PTPRK: variants seen among roughly 807,000 people sequenced by gnomAD.
PTPRK encodes the protein protein tyrosine phosphatase receptor type K.
Under a neutral mutation model 178.0 loss-of-function variants are expected in PTPRK, and 75 were observed. The ratio of observed to expected loss-of-function variants is 0.42; its 90% CI spans 0.35 to 0.51. PTPRK has a LOEUF of 0.51. PTPRK is among the 20% of genes least tolerant of loss of function. The pLI is 0.02. For synonymous variants in PTPRK, 637 were observed against 620.6 expected, an observed-to-expected ratio of 1.03 and a Z score of -0.39; for missense variants, 1,441 against 1,797.8, an observed-to-expected ratio of 0.80 and a Z score of 3.59.
chr6:128,383,088 T>C (rs1285732333), intron 2 of PTPRK, among the ~76,000 whole-genome samples: 1 of 152,108 alleles, frequency 6.6e-6, no homozygotes, highest in Non-Finnish European at 1.5e-5. Context: ...ACAGAAGAAA[T>C]AGTCACCACT....
chr6:128,112,510 A>G (rs750188291), intron 7 of PTPRK, among the ~76,000 whole-genome samples: 14 of 152,100 alleles, frequency 9.2e-5, no homozygotes, highest in Non-Finnish European at 1.8e-4. Flanking sequence ...TTGCTCAGCA[A>G]AGGGAAAACA....
At chr6:128,056,297 C>G (rs1779880540) in intron 13 of PTPRK, among the ~76,000 whole-genome samples, 1 of 152,114 alleles carries the variant, frequency 6.6e-6, no homozygotes, top group Admixed American at 6.6e-5. Context: ...TCTATACTTA[C>G]TTAAACTTCT....
intron 2 of PTPRK, among the ~76,000 whole-genome samples, chr6:128,330,711 A>T (rs538495846): frequency 6.6e-6 from 1 of 152,248 alleles, no homozygotes; most frequent in Non-Finnish European, 1.5e-5. Flanking sequence ...CATACATTGC[A>T]TTGAGAATAA....
At chr6:128,165,295 A>C (rs1799240364) in intron 7 of PTPRK, among the ~76,000 whole-genome samples, 1 of 151,422 alleles carries the variant, frequency 6.6e-6, no homozygotes, top group Admixed American at 6.6e-5. Flanking sequence ...TATAAAGTAT[A>C]TTGTGTACAT....
Position 128,446,518 on chromosome 6 carries a change from ATTCT to A in PTPRK, c.101-48834_101-48831del, listed in dbSNP as rs368261231. Among the ~76,000 whole-genome samples the A allele has an allele frequency of 3.6e-3, 554 of 152,340 alleles. 4 individuals carry two copies. Among genetic ancestry groups the A allele is most frequent in the African/African-American group, 0.012 (512 of 41,574 alleles). On this transcript the variant is annotated intron_variant, in intron 1 of 29. Transcript: ENST00000368226. ...GGAAAGCATTCCTAATTTTTTAAAA[ATTCT>A]TTCTGCAAAATAAAAAGTCTGTGAC...
chr6:128,171,933 A>G (rs1800322235), intron 7 of PTPRK, among the ~76,000 whole-genome samples: 1 of 152,006 alleles, frequency 6.6e-6, no homozygotes, highest in Admixed American at 6.6e-5. Context: ...AGCCAATTTC[A>G]TAATTGAGGC....
intron 25 of PTPRK, among the ~76,000 whole-genome samples, chr6:127,978,984 T>C (rs1327243979): frequency 1.3e-5 from 2 of 152,204 alleles, no homozygotes; most frequent in African/African-American, 2.4e-5. Context: ...GCTTTAACTA[T>C]GAAATGTCTT....
chr6:128,233,798 C>T (rs1562838568), intron 5 of PTPRK, among the ~76,000 whole-genome samples: 1 of 152,186 alleles, frequency 6.6e-6, no homozygotes, highest in African/African-American at 2.4e-5. Context: ...ACACATTAAA[C>T]AGCCTCATTT....
At chr6:128,410,876 C>T (rs1842230082) in intron 1 of PTPRK, among the ~76,000 whole-genome samples, 1 of 152,142 alleles carries the variant, frequency 6.6e-6, no homozygotes, top group Admixed American at 6.5e-5. Context: ...AACTTCCTTA[C>T]CAGCCTTACG....
intron 6 of PTPRK, among the ~76,000 whole-genome samples, chr6:128,194,071 T>A (rs1267143003): frequency 1.5e-5 from 2 of 133,556 alleles, no homozygotes; most frequent in African/African-American, 6.1e-5. Flanking sequence ...TATATATTAT[T>A]ATTATTATTA....
chr6:127,977,347 A>G (rs1774722881), intron 25 of PTPRK, among the ~76,000 whole-genome samples: 1 of 152,248 alleles, frequency 6.6e-6, no homozygotes, highest in Non-Finnish European at 1.5e-5. Context: ...CAAATACAAA[A>G]GAAGAAACTA....
chr6:128,327,654 T>C (rs1829754001), intron 2 of PTPRK, among the ~76,000 whole-genome samples: 1 of 152,180 alleles, frequency 6.6e-6, no homozygotes, highest in Non-Finnish European at 1.5e-5. Context: ...CTCAGAAGGG[T>C]AATTTTGTTC....
In PTPRK at chr6:128,345,587, A is replaced by C. The variant is rs1041925474; in HGVS notation, c.224-23277T>G. Among the ~76,000 whole-genome samples the C allele has an allele frequency of 8.2e-4, 125 of 152,324 alleles. 3 individuals carry two copies. Among genetic ancestry groups the C allele is most frequent in the Non-Finnish European group, 2.4e-4 (16 of 68,018 alleles). On this transcript the variant is annotated intron_variant, in intron 2 of 29. Transcript: ENST00000368226. ...TTTGAGAAAAGCCCAACATCTGAGAAACAAATAATTAGGTTATGATGCGAA... is the reference window on the plus strand; with the variant it reads ...TTTGAGAAAAGCCCAACATCTGAGACACAAATAATTAGGTTATGATGCGAA...
At chr6:128,496,360 G>A (rs1024103457) in intron 1 of PTPRK, among the ~76,000 whole-genome samples, 1 of 152,126 alleles carries the variant, frequency 6.6e-6, no homozygotes, top group Admixed American at 6.5e-5. Context: ...GTAGAGAATA[G>A]AGAATAATAA....
At chr6:128,050,845 C>T (rs554253220) in intron 13 of PTPRK, among the ~76,000 whole-genome samples, 4 of 152,298 alleles carry the variant, frequency 2.6e-5, no homozygotes, top group South Asian at 2.1e-4. Context: ...ACAGCCGATA[C>T]TAGGAATTTT....
chr6:128,408,102 T>C (rs936494989), intron 1 of PTPRK, among the ~76,000 whole-genome samples: 2 of 152,114 alleles, frequency 1.3e-5, no homozygotes, highest in Non-Finnish European at 2.9e-5. Context: ...AATAAAACTA[T>C]CCTGGCTGGG....
intron 1 of PTPRK, among the ~76,000 whole-genome samples, chr6:128,404,294 G>A (rs986366476): frequency 6.6e-5 from 10 of 152,338 alleles, no homozygotes; most frequent in African/African-American, 2.4e-4. Context: ...GAAAAGGTGA[G>A]AACTAGAGAC....
chr6:128,059,507 AGTTAGTTC>A (rs1780466117), intron 13 of PTPRK, among the ~76,000 whole-genome samples: 1 of 152,166 alleles, frequency 6.6e-6, no homozygotes. Context: ...ATGGATTATA[AGTTAGTTC>A]CCTTAGGTTG....
intron 1 of PTPRK, among the ~76,000 whole-genome samples, chr6:128,414,927 A>G (rs1232370251): frequency 6.6e-6 from 1 of 152,198 alleles, no homozygotes; most frequent in Non-Finnish European, 1.5e-5. Flanking sequence ...AAGGTCAATG[A>G]AAAAGTTCTC....
Sources: allele counts gnomAD v4.1 joint callset (sites outside exome capture counted in the v4.1 genomes callset), GRCh38; gene constraint gnomAD v4.1.1; transcripts MANE v1.5; gene names NCBI Gene and HGNC (gene_info 2026-07-23, HGNC 2026-07-21).